Variants in NUDT1 observed in about 807,000 individuals in gnomAD.
The protein encoded by NUDT1 is nudix hydrolase 1, also known as oxidized purine nucleoside triphosphate hydrolase.
NUDT1 carries 16 observed loss-of-function variants against 11.3 expected under a neutral mutation model. That is an observed-to-expected ratio of 1.41 (90% CI 0.96 to 2.15). NUDT1 has a LOEUF of 2.15. Among genes scored for constraint, NUDT1 ranks in the 30% most tolerant of loss-of-function variants. The pLI is 0.00. For missense variants in NUDT1, 234 were observed against 208.4 expected (o/e 1.12, Z -0.76); for synonymous variants, 101 against 84.4 (o/e 1.20, Z -1.08).
At chr7:2,249,831 C>G in intron 2 of NUDT1, 26 bp from the exon 3 acceptor site, 1 of 1,610,834 alleles carries the variant, frequency 6.2e-7, no homozygotes, top group Non-Finnish European at 8.5e-7. Context: ...TGACGGCCTC[C>G]CTCCCCTGCC....
chr7:2,242,291 T>C lies in NUDT1; in HGVS notation c.-13+35T>C, dbSNP rs1794574106. 4 of 993,996 alleles carry C rather than the reference T, an allele frequency of 4.0e-6. No individual in the cohort carries two copies. The East Asian group carries it at 1.3e-4, about 31-fold the overall frequency. The allele number at this position is 993,996 out of a possible 1,614,324, so 61.6% of individuals were successfully genotyped here. On this transcript the variant is annotated intron_variant, in intron 1 of 3. Transcript: ENST00000356714. ...GCGCGCGCGGGGATTCCAGGAGTCG[T>C]GGTGACCAGGGAGGGGAGCCGGGCC...
intron 2 of NUDT1, 115 bp from the exon 3 acceptor site, chr7:2,249,742 C>A: frequency 2.2e-6 from 3 of 1,360,326 alleles, no homozygotes; most frequent in Non-Finnish European, 3.1e-6. Flanking sequence ...GGTCTCCCAT[C>A]CACCCTGGTG....
chr7:2,249,614 C>T (rs768083899), intron 2 of NUDT1: 14 of 560,798 alleles, frequency 2.5e-5, no homozygotes, highest in Non-Finnish European at 4.2e-5. Flanking sequence ...GGCTCCACAC[C>T]ATCTCCGGGC....
At position 2,250,930 on chromosome 7, in the gene NUDT1, C is replaced by A. The variant is rs1562412286; in HGVS notation, c.400C>A (p.His134Asn). ...FPLLLQKKKF[H>N]GYFKFQGQDT... ...ACTCCTGCTTCAGAAGAAGAAATTC[C>A]ACGGGTACTTCAAGTTCCAGGGTCA... The change falls in exon 4 of 4, where the codon CAC becomes AAC. Residue 134 changes from histidine (H) to asparagine (N), a missense_variant. His to Asn is a moderately conservative substitution (Grantham distance 68, BLOSUM62 1). Transcript: ENST00000356714. The A allele has an allele frequency of 6.2e-7, 1 of 1,613,962 alleles. No individual in the cohort carries two copies. The highest frequency in any genetic ancestry group is 2.2e-5 in the East Asian group (1 of 44,872).
chr7:2,246,520 G>A (rs1485447982), intron 2 of NUDT1, among the ~76,000 whole-genome samples: 1 of 152,244 alleles, frequency 6.6e-6, no homozygotes, highest in Non-Finnish European at 1.5e-5. Flanking sequence ...GAGGAGGCTG[G>A]ATGGAGGAAC....
chr7:2,243,198 C>A (rs918705665), intron 1 of NUDT1: 11 of 569,482 alleles, frequency 1.9e-5, no homozygotes, highest in Non-Finnish European at 3.5e-5. Context: ...TGTGTCTCTG[C>A]CCACTATAAA....
intron 2 of NUDT1, among the ~76,000 whole-genome samples, chr7:2,249,130 G>A (rs539658182): frequency 6.6e-6 from 1 of 152,252 alleles, no homozygotes; most frequent in Non-Finnish European, 1.5e-5. Context: ...TGGGCATCCC[G>A]TGGTGAAGTC....
Position 2,250,497 on chromosome 7 carries a change from G to T in NUDT1, c.299-332G>T, listed in dbSNP as rs553881656. Among the ~76,000 whole-genome samples the T allele has an allele frequency of 8.5e-5, 13 of 152,290 alleles. No homozygotes were observed. The East Asian group carries it at 2.1e-3, about 25-fold the overall frequency. On this transcript the variant is annotated intron_variant, in intron 3 of 3. Transcript: ENST00000356714. ...TTTTGAGACGAAGTCTCGCTCTGTC[G>T]CCCAGGCTGGAGGGCAATGGCGCAA...
chr7:2,246,474 G>A (rs1007956593), intron 2 of NUDT1, among the ~76,000 whole-genome samples: 1 of 152,250 alleles, frequency 6.6e-6, no homozygotes, highest in Non-Finnish European at 1.5e-5. Flanking sequence ...GCTGTGCAGA[G>A]AAGTGGTGGG....
At chr7:2,250,115 G>A (rs1441146710) in intron 3 of NUDT1, 113 bp downstream of exon 3, 14 of 1,389,488 alleles carry the variant, frequency 1.0e-5, no homozygotes, top group African/African-American at 4.2e-5. Context: ...GGCAGCCTGC[G>A]TCCCCCTCCA....
Position 2,251,068 on chromosome 7 carries a change from G to A in NUDT1, c.*67G>A. 1 of 1,535,512 alleles carries A rather than the reference G, an allele frequency of 6.5e-7. No individual in the cohort carries two copies. Among genetic ancestry groups the A allele is most frequent in the Non-Finnish European group, 9.0e-7 (1 of 1,111,830 alleles). The stretch of plus-strand genomic sequence containing the variant: ...GAACAGCCGCAAACCATCTTCACCT[G>A]GGGGCATTGAGTGGCGCAGAGCCGG... On this transcript the variant is annotated 3_prime_UTR_variant, in exon 4 of 4. Coordinates refer to ENST00000356714, the MANE Select transcript of NUDT1 (RefSeq NM_002452.4).
At chr7:2,245,870 G>C (rs1015048688) in intron 2 of NUDT1, among the ~76,000 whole-genome samples, 1 of 150,584 alleles carries the variant, frequency 6.6e-6, no homozygotes, top group Admixed American at 6.6e-5. Flanking sequence ...CCACTAAGCC[G>C]ATTTCCCGGG....
At chr7:2,242,302 G>T in intron 1 of NUDT1, 46 bp downstream of exon 1, 1 of 869,686 alleles carries the variant, frequency 1.1e-6, no homozygotes, top group South Asian at 1.8e-5. Context: ...GGTGACCAGG[G>T]AGGGGAGCCG....
chr7:2,250,077 C>T, intron 3 of NUDT1, 75 bp downstream of exon 3: 1 of 1,584,216 alleles, frequency 6.3e-7, no homozygotes, highest in Non-Finnish European at 8.6e-7. Flanking sequence ...GGCCATCCGC[C>T]CAAACCATCT....
chr7:2,245,492 T>G (rs1267162110), intron 2 of NUDT1, among the ~76,000 whole-genome samples: 1 of 152,162 alleles, frequency 6.6e-6, no homozygotes, highest in Non-Finnish European at 1.5e-5. Context: ...TCTGATAGAG[T>G]GTACACACTC....
intron 1 of NUDT1, 33 bp downstream of exon 1, chr7:2,242,289 C>G: frequency 9.9e-7 from 1 of 1,013,014 alleles, no homozygotes. Flanking sequence ...TTCCAGGAGT[C>G]GTGGTGACCA....
intron 2 of NUDT1, among the ~76,000 whole-genome samples, chr7:2,247,581 G>A (rs554657441): frequency 3.9e-5 from 6 of 152,310 alleles, no homozygotes; most frequent in East Asian, 3.9e-4. Context: ...CCCACGCCAC[G>A]GACGCTGCAC....
chr7:2,244,402 C>A (rs528463685), intron 1 of NUDT1, 161 bp from the exon 2 acceptor site: 1 of 656,012 alleles, frequency 1.5e-6, no homozygotes, highest in Non-Finnish European at 2.5e-6. Flanking sequence ...GGCAGTTTTC[C>A]ACCTGCCACA....
chr7:2,245,792 C>A (rs1291659203), intron 2 of NUDT1, among the ~76,000 whole-genome samples: 1 of 152,012 alleles, frequency 6.6e-6, no homozygotes, highest in Non-Finnish European at 1.5e-5. Context: ...CCCTCCCGGG[C>A]CTCCCAGAGT....
Sources: allele counts gnomAD v4.1 joint callset (sites outside exome capture counted in the v4.1 genomes callset), GRCh38; gene constraint gnomAD v4.1.1; transcripts MANE v1.5; gene names NCBI Gene and HGNC (gene_info 2026-07-23, HGNC 2026-07-21).